EPG5: variants seen among roughly 807,000 people sequenced by gnomAD.
EPG5 encodes the protein ectopic P granules protein 5 homolog.
Under a neutral mutation model 302.7 loss-of-function variants are expected in EPG5, and 159 were observed. The ratio of observed to expected loss-of-function variants is 0.53; its 90% CI spans 0.46 to 0.60. EPG5 has a LOEUF of 0.60. EPG5 is among the 20% of genes least tolerant of loss of function. EPG5 has a pLI of 0.00. For synonymous variants in EPG5, 1,158 were observed against 1,136.8 expected (o/e 1.02, Z -0.37); for missense variants, 2,896 against 3,092.4 (o/e 0.94, Z 1.51).
intron 35 of EPG5, among the ~76,000 whole-genome samples, chr18:45,873,227 T>C (rs1389185453): frequency 1.3e-5 from 2 of 152,170 alleles, no homozygotes; most frequent in African/African-American, 4.8e-5. Context: ...AGAAATTAAA[T>C]ATGGCTGGGC....
intron 31 of EPG5, among the ~76,000 whole-genome samples, chr18:45,880,916 G>C (rs918143684): frequency 6.6e-6 from 1 of 152,222 alleles, no homozygotes; most frequent in Non-Finnish European, 1.5e-5. Flanking sequence ...TGGGGACAGT[G>C]CCAGTCTGTG....
the EPG5 span, among the ~76,000 whole-genome samples, chr18:45,820,222 C>T: frequency 6.6e-6 from 1 of 152,184 alleles, no homozygotes; most frequent in Non-Finnish European, 1.5e-5. Flanking sequence ...GAGGGCATGG[C>T]CTCATGGACT....
At chr18:45,819,057 T>G in the EPG5 span, among the ~76,000 whole-genome samples, 6 of 152,286 alleles carry the variant, frequency 3.9e-5, no homozygotes, top group East Asian at 1.2e-3. Context: ...AGTCAAGTTT[T>G]AAAGCAAAAT....
chr18:45,926,318 G>A (rs1313632253), intron 13 of EPG5, among the ~76,000 whole-genome samples: 1 of 152,236 alleles, frequency 6.6e-6, no homozygotes, highest in Non-Finnish European at 1.5e-5. Context: ...CAGGCCGGGG[G>A]TGGGGTGAGT....
At chr18:45,883,012 C>CAA (rs35030980) in intron 30 of EPG5, among the ~76,000 whole-genome samples, 1,360 of 87,418 alleles carry the variant, frequency 0.016, 38 homozygotes, top group African/African-American at 0.045. Flanking sequence ...CGTCTCACAA[C>CAA]AAAAAAAAAA....
chr18:45,958,028 G>A (rs1599655765), intron 1 of EPG5, among the ~76,000 whole-genome samples: 1 of 152,116 alleles, frequency 6.6e-6, no homozygotes, highest in South Asian at 2.1e-4. Context: ...GTATGGCAGA[G>A]GCCAAATTTT....
In EPG5 at chr18:45,851,177, G is replaced by A. The variant is rs1368585788; in HGVS notation, c.*1290C>T. On this transcript the variant is annotated 3_prime_UTR_variant, in exon 44 of 44. Coordinates refer to ENST00000282041, the MANE Select transcript of EPG5 (RefSeq NM_020964.3). ...TCCTATACCCCTATAAACATTCTTG[G>A]TGGCTGTTTAGACATTTTTAGGTAA... 6.6e-6 allele frequency: 1 copy of A among 152,188 alleles called. No individual in the cohort carries two copies. Among genetic ancestry groups the A allele is most frequent in the Non-Finnish European group, 1.5e-5 (1 of 68,044 alleles). 9.4% of individuals were successfully genotyped at this position (152,188 alleles called of 1,614,324 possible).
the EPG5 span, chr18:45,840,107 T>C: frequency 2.3e-6 from 3 of 1,298,098 alleles, no homozygotes; most frequent in Middle Eastern, 1.9e-4. Context: ...TCAAAAACAG[T>C]GGTTTCCTCG....
intron 36 of EPG5, among the ~76,000 whole-genome samples, chr18:45,869,924 T>A (rs1216514104): frequency 1.4e-5 from 2 of 144,206 alleles, no homozygotes; most frequent in African/African-American, 2.5e-5. Flanking sequence ...GACAAGAGTG[T>A]AATTAAAAAA....
At chr18:45,856,615 C>T (rs965900758) in intron 42 of EPG5, among the ~76,000 whole-genome samples, 7 of 152,126 alleles carry the variant, frequency 4.6e-5, no homozygotes, top group African/African-American at 1.7e-4. Flanking sequence ...TTAAGTAAAA[C>T]AAAATCTCGC....
intron 1 of EPG5, among the ~76,000 whole-genome samples, chr18:45,965,649 A>G (rs1243607984): frequency 6.6e-6 from 1 of 152,200 alleles, no homozygotes; most frequent in Non-Finnish European, 1.5e-5. Flanking sequence ...AATGTCCTGT[A>G]CTTGTAATAC....
At chr18:45,810,532 T>G in the EPG5 span, among the ~76,000 whole-genome samples, 1 of 152,224 alleles carries the variant, frequency 6.6e-6, no homozygotes, top group African/African-American at 2.4e-5. Flanking sequence ...CAGTAGCTCA[T>G]GCTTGTAATC....
At chr18:45,845,908 G>C, downstream of EPG5, among the ~76,000 whole-genome samples, 1 of 152,202 alleles carries the variant, frequency 6.6e-6, no homozygotes, top group East Asian at 1.9e-4. Context: ...ACTAGATGTA[G>C]CTACGTGAGA....
In EPG5 at chr18:45,852,514, C is replaced by G. The variant is rs777854920; in HGVS notation, c.7693G>C (p.Val2565Leu). The part of the protein sequence containing the change: ...QDGKSFLALL[V>L]NCLYPEVHYL... Reference sequence around the variant, plus strand: ...TGCACTTCTGGATACAGACAGTTAACGAGAAGAGCCAAGAAGCTTTTCCCA... The same window carrying G: ...TGCACTTCTGGATACAGACAGTTAAGGAGAAGAGCCAAGAAGCTTTTCCCA... The change falls in exon 44 of 44, where the codon GTT becomes CTT. Residue 2565 changes from valine to leucine, a missense_variant. This residue lies in a region of EPG5 where 620 missense variants were observed against 704.2 expected (regional missense o/e 0.88). Transcript: ENST00000282041. 1.8e-5 allele frequency: 29 copies of G among 1,614,036 alleles called. No individual in the cohort carries two copies. Among genetic ancestry groups the G allele is most frequent in the South Asian group, 2.2e-5 (2 of 91,090 alleles).
At position 45,882,385 on chromosome 18, in the gene EPG5, G is replaced by C. The variant is rs1203929656; in HGVS notation, c.5407C>G (p.Pro1803Ala). Residue 1803 changes from proline (P) to alanine (A), a missense_variant, in exon 31 of 44, where the codon CCA (proline) becomes GCA (alanine). Coordinates refer to ENST00000282041, the MANE Select transcript of EPG5 (RefSeq NM_020964.3). The stretch of plus-strand genomic sequence containing the variant: ...AATGGCATCAAAATATCCTCATCTG[G>C]TTCAAGGCCCCAGGCAGTAAGTGCC... The part of the protein sequence containing the change: ...HLALTAWGLE[P>A]DEDILMPFNL... 1.5e-5 allele frequency: 24 copies of C among 1,614,160 alleles called. No homozygotes were observed. The highest frequency in any genetic ancestry group is 2.0e-5 in the Non-Finnish European group (24 of 1,180,020).
the EPG5 span, chr18:45,838,042 C>A: frequency 9.0e-7 from 1 of 1,108,230 alleles, no homozygotes. Flanking sequence ...GGATCTCACA[C>A]CTGGGGGTAG....
chr18:45,881,944 C>A (rs1374397341), intron 31 of EPG5, among the ~76,000 whole-genome samples: 2 of 152,232 alleles, frequency 1.3e-5, no homozygotes, highest in African/African-American at 4.8e-5. Context: ...GATCTGTCGT[C>A]TGCAGAGTAA....
the EPG5 span, among the ~76,000 whole-genome samples, chr18:45,818,425 C>T: frequency 1.3e-5 from 2 of 152,164 alleles, no homozygotes; most frequent in African/African-American, 4.8e-5. Context: ...AAAGAGATGA[C>T]TGGTTGATAC....
At chr18:45,939,530 G>T in intron 10 of EPG5, 70 bp downstream of exon 10, 1 of 1,421,646 alleles carries the variant, frequency 7.0e-7, no homozygotes. Flanking sequence ...TACTTAAGTG[G>T]CTTTCACCGA....
Sources: gnomAD v4.1 joint callset for allele counts (sites outside exome capture counted in the v4.1 genomes callset) on GRCh38, gnomAD v4.1.1 for gene constraint, gnomAD v4.1.1 regional missense constraint, MANE v1.5 for transcripts, NCBI Gene and HGNC (gene_info 2026-07-23, HGNC 2026-07-21) for gene names.